Variants in ARFGEF2 observed in about 807,000 individuals in gnomAD.
ARFGEF2 encodes brefeldin A-inhibited guanine nucleotide-exchange protein 2.
In ARFGEF2, 74 loss-of-function variants were observed where a neutral mutation model predicts 219.9. The observed-to-expected ratio is 0.34, with a 90% confidence interval of 0.28 to 0.41. The LOEUF is 0.41. Among genes scored for constraint, ARFGEF2 ranks in the 10% least tolerant of loss-of-function variants. ARFGEF2 has a pLI of 1.00. For synonymous variants in ARFGEF2, 733 were observed against 799.2 expected (o/e 0.92, Z 1.40); for missense variants, 1,743 against 2,218.3 (o/e 0.79, Z 4.30).
intron 1 of ARFGEF2, among the ~76,000 whole-genome samples, chr20:48,930,399 A>C (rs1039032707): frequency 6.6e-6 from 1 of 152,234 alleles, no homozygotes; most frequent in Non-Finnish European, 1.5e-5. Context: ...TTCAGGTGAG[A>C]GATATTGGTG....
chr20:49,010,881 A>C (rs2091493537), intron 27 of ARFGEF2, among the ~76,000 whole-genome samples: 1 of 152,232 alleles, frequency 6.6e-6, no homozygotes, highest in South Asian at 2.1e-4. Context: ...CCCAAGGCGC[A>C]CGTTCCCAGT....
intron 14 of ARFGEF2, among the ~76,000 whole-genome samples, chr20:48,979,227 G>C (rs1568718206): frequency 1.3e-5 from 2 of 152,186 alleles, no homozygotes; most frequent in Non-Finnish European, 2.9e-5. Flanking sequence ...CATCTATTGA[G>C]ATAATCATGT....
intron 35 of ARFGEF2, among the ~76,000 whole-genome samples, chr20:49,023,523 G>GTTTTTTTTTTTTTTTTTTTTTTTTT (rs11289917): frequency 1.0e-5 from 1 of 97,000 alleles, no homozygotes. Context: ...TTTTTTTCTG[G>GTTTTTTTTTTTTTTTTTTTTTTTTT]TTTTTTTTTT....
chr20:48,981,371 C>G (rs573581781), intron 14 of ARFGEF2, among the ~76,000 whole-genome samples: 2 of 152,330 alleles, frequency 1.3e-5, no homozygotes, highest in African/African-American at 4.8e-5. Flanking sequence ...GATGGGCTTC[C>G]CATAGTGGGT....
chr20:48,969,364 A>C, intron 9 of ARFGEF2, 87 bp downstream of exon 9: 1 of 1,609,800 alleles, frequency 6.2e-7, no homozygotes, highest in Non-Finnish European at 8.5e-7. Context: ...TGTTCCAAGA[A>C]GTTTCAGTGT....
At chr20:49,022,805 C>T (rs182798816) in intron 34 of ARFGEF2, among the ~76,000 whole-genome samples, 1 of 152,030 alleles carries the variant, frequency 6.6e-6, no homozygotes, top group East Asian at 1.9e-4. Context: ...TTATTCATTG[C>T]TGTGCCACAA....
intron 15 of ARFGEF2, 25 bp downstream of exon 15, chr20:48,984,865 G>A (rs1271591363): frequency 5.6e-6 from 9 of 1,612,082 alleles, no homozygotes; most frequent in Non-Finnish European, 7.6e-6. Context: ...TGTAGCACTT[G>A]CATGTGAGTT....
In ARFGEF2 at chr20:49,025,420, C is replaced by T. The variant is rs1224771463; in HGVS notation, c.4863C>T (p.Ser1621=). The change falls in exon 36 of 39, where the codon TCC becomes TCT. Residue 1621 remains serine, a synonymous_variant. Transcript: ENST00000371917. ...AGCTGTTGGACTGTTTGCAGGAATC[C>T]CATTCATTCTCAAAGGCCTTCAACT... ...LFKLLDCLQE[S]HSFSKAFNSN... The T allele has an allele frequency of 1.2e-6, 2 of 1,613,938 alleles. No individual in the cohort carries two copies. Among genetic ancestry groups the T allele is most frequent in the African/African-American group, 2.7e-5 (2 of 74,874 alleles).
chr20:49,005,987 A>C (rs2091457101), intron 26 of ARFGEF2, among the ~76,000 whole-genome samples: 1 of 151,870 alleles, frequency 6.6e-6, no homozygotes, highest in South Asian at 2.1e-4. Flanking sequence ...AGGTACTATA[A>C]AGAAGACATT....
chr20:48,929,726 A>AGT (rs1414289486), intron 1 of ARFGEF2, among the ~76,000 whole-genome samples: 1 of 152,170 alleles, frequency 6.6e-6, no homozygotes, highest in Admixed American at 6.5e-5. Flanking sequence ...GAACAACCTG[A>AGT]GTGAAGGCTC....
chr20:48,988,043 C>T (rs1197540959), intron 16 of ARFGEF2, among the ~76,000 whole-genome samples: 2 of 152,214 alleles, frequency 1.3e-5, no homozygotes, highest in African/African-American at 4.8e-5. Flanking sequence ...CCATCTCGGC[C>T]TCCCAAAGTG....
Position 48,994,480 on chromosome 20 carries a change from C to T in ARFGEF2, c.3003C>T (p.Leu1001=), listed in dbSNP as rs752737205. The change falls in exon 22 of 39, where the codon CTC becomes CTT. Residue 1001 remains leucine (L), a synonymous_variant. Coordinates refer to ENST00000371917, the MANE Select transcript of ARFGEF2 (RefSeq NM_006420.3). ...EILKCISQLE[L]AQLIGTGVKT... ...TGAAATGCATCAGCCAGCTGGAGCT[C>T]GCTCAGCTGATAGGAACCGGTGTGA... The T allele has an allele frequency of 5.0e-5, 81 of 1,614,002 alleles. No individual in the cohort carries two copies. The highest frequency in any genetic ancestry group is 1.3e-4 in the African/African-American group (10 of 74,980).
intron 33 of ARFGEF2, among the ~76,000 whole-genome samples, chr20:49,018,050 A>G (rs2091541941): frequency 6.6e-6 from 1 of 152,148 alleles, no homozygotes; most frequent in Admixed American, 6.5e-5. Context: ...AAGAAGTGGT[A>G]GTTCTTACTT....
At chr20:49,024,130 C>G (rs1189474083) in intron 35 of ARFGEF2, among the ~76,000 whole-genome samples, 1 of 152,062 alleles carries the variant, frequency 6.6e-6, no homozygotes, top group Admixed American at 6.6e-5. Context: ...TGCCGCCATG[C>G]CCAGTTAATT....
intron 21 of ARFGEF2, among the ~76,000 whole-genome samples, chr20:48,991,743 G>C (rs889977055): frequency 6.6e-6 from 1 of 152,170 alleles, no homozygotes; most frequent in Non-Finnish European, 1.5e-5. Context: ...AAAAGAGCTA[G>C]ATGTCCCAAC....
Position 48,984,860 on chromosome 20 carries a change from C to T in ARFGEF2, c.2070+20C>T. On this transcript the variant is annotated intron_variant, in intron 15 of 38. Coordinates refer to ENST00000371917, the MANE Select transcript of ARFGEF2 (RefSeq NM_006420.3). ...GATTCCGTAAGGCTTGGGGGTGTAG[C>T]ACTTGCATGTGAGTTCTGTCAGGTG... 1 of 1,612,192 alleles carries T rather than the reference C, an allele frequency of 6.2e-7. No homozygotes were observed. Among genetic ancestry groups the T allele is most frequent in the Non-Finnish European group, 8.5e-7 (1 of 1,179,984 alleles).
At chr20:48,959,911 A>C (rs76025021) in intron 6 of ARFGEF2, among the ~76,000 whole-genome samples, 327 of 152,186 alleles carry the variant, frequency 2.1e-3, no homozygotes, top group Middle Eastern at 6.8e-3. Context: ...AGAACGTTTT[A>C]TATTTTAATG....
At chr20:48,990,982 T>G in intron 20 of ARFGEF2, 58 bp from the exon 21 acceptor site, 127 of 1,574,128 alleles carry the variant, frequency 8.1e-5, no homozygotes, top group Non-Finnish European at 9.7e-5. Flanking sequence ...CCTGCAGATG[T>G]GAGAATGGCC....
intron 35 of ARFGEF2, among the ~76,000 whole-genome samples, chr20:49,024,932 G>C (rs1474414388): frequency 6.6e-6 from 1 of 152,168 alleles, no homozygotes; most frequent in African/African-American, 2.4e-5. Flanking sequence ...GGAGGCGGAG[G>C]TTGCAGTGAG....
Sources: gnomAD v4.1 joint callset for allele counts (sites outside exome capture counted in the v4.1 genomes callset) on GRCh38, gnomAD v4.1.1 for gene constraint, MANE v1.5 for transcripts, NCBI Gene and HGNC (gene_info 2026-07-23, HGNC 2026-07-21) for gene names.